ULK4: variants seen among roughly 807,000 people sequenced by gnomAD.
ULK4 encodes inactive serine/threonine-protein kinase ULK4.
In ULK4, 133 loss-of-function variants were observed where a neutral mutation model predicts 160.6. The observed-to-expected ratio is 0.83, with a 90% confidence interval of 0.72 to 0.96. The LOEUF (loss-of-function observed/expected upper bound fraction) is 0.96. Ranked by LOEUF, ULK4 falls within the 40% of genes least tolerant of loss-of-function variation. The probability of loss-of-function intolerance (pLI) is 0.00; values close to 1 mark genes in which losing one functional copy is unlikely to be tolerated. For missense variants in ULK4, 1,580 were observed against 1,499.5 expected (o/e 1.05, Z -0.89); for synonymous variants, 534 against 539.8 (o/e 0.99, Z 0.15).
At position 41,954,602 on chromosome 3, in the gene ULK4, A is replaced by C. The variant is rs773918712; in HGVS notation, c.138+20T>G. ...TGTAGCTCTCTCTTTCCCCATGCCAATGGAAATACACTGACTTACCCAGTT... is the reference window on the plus strand; with the variant it reads ...TGTAGCTCTCTCTTTCCCCATGCCACTGGAAATACACTGACTTACCCAGTT... On this transcript the variant is annotated intron_variant, in intron 2 of 36. Transcript: ENST00000301831. 1 of 1,603,522 alleles carries C rather than the reference A, an allele frequency of 6.2e-7. No homozygotes were observed. Among genetic ancestry groups the C allele is most frequent in the Admixed American group, 1.7e-5 (1 of 57,972 alleles).
At chr3:41,296,848 G>A (rs536827350) in intron 35 of ULK4, among the ~76,000 whole-genome samples, 1 of 151,866 alleles carries the variant, frequency 6.6e-6, no homozygotes, top group Non-Finnish European at 1.5e-5. Context: ...TGAGAGGGAG[G>A]GAAGAAGAAA....
intron 35 of ULK4, among the ~76,000 whole-genome samples, chr3:41,381,058 G>C (rs2081639752): frequency 6.6e-6 from 1 of 152,072 alleles, no homozygotes; most frequent in Admixed American, 6.6e-5. Context: ...TATGTCACCA[G>C]AGAACACCTT....
At chr3:41,365,719 A>C (rs2125777086) in intron 35 of ULK4, among the ~76,000 whole-genome samples, 1 of 152,292 alleles carries the variant, frequency 6.6e-6, no homozygotes, top group South Asian at 2.1e-4. Flanking sequence ...CTAACCCCCA[A>C]GCCCCTGCTC....
chr3:41,800,238 G>A lies in ULK4; in HGVS notation c.1904C>T (p.Thr635Ile). The change falls in exon 20 of 37, where the codon ACC becomes ATC. Residue 635 changes from threonine (T) to isoleucine (I), a missense_variant. Coordinates refer to ENST00000301831, the MANE Select transcript of ULK4 (RefSeq NM_017886.4). ...AAKIIENVCT[T>I]FSAQSQGFIT... The stretch of plus-strand genomic sequence containing the variant: ...AAAGCCCTGGGACTGAGCAGAAAAG[G>A]TGGTACAGACATTTTCAATAATTTT... The A allele has an allele frequency of 6.2e-7, 1 of 1,613,738 alleles. No individual in the cohort carries two copies. Among genetic ancestry groups the A allele is most frequent in the Non-Finnish European group, 8.5e-7 (1 of 1,179,876 alleles).
chr3:41,751,072 TTC>T (rs958880308), intron 22 of ULK4, among the ~76,000 whole-genome samples: 1 of 151,166 alleles, frequency 6.6e-6, no homozygotes, highest in Non-Finnish European at 1.5e-5. Flanking sequence ...GCTCTTCCCG[TTC>T]TTTCTCTTTC....
intron 31 of ULK4, among the ~76,000 whole-genome samples, chr3:41,588,106 C>T (rs528473934): frequency 1.4e-4 from 21 of 152,180 alleles, no homozygotes; most frequent in African/African-American, 4.8e-4. Context: ...CTTCAGGATG[C>T]CAGTGAAAGG....
chr3:41,645,748 G>T (rs1339213602), intron 30 of ULK4, among the ~76,000 whole-genome samples: 1 of 152,106 alleles, frequency 6.6e-6, no homozygotes, highest in Non-Finnish European at 1.5e-5. Context: ...GGGTATCCTT[G>T]TTAACTTTCT....
chr3:41,680,337 C>T (rs1193765145), intron 29 of ULK4, among the ~76,000 whole-genome samples: 1 of 152,122 alleles, frequency 6.6e-6, no homozygotes, highest in African/African-American at 2.4e-5. Flanking sequence ...ATTATCAGAG[C>T]TGTCCCTGAA....
intron 21 of ULK4, among the ~76,000 whole-genome samples, chr3:41,776,804 T>C (rs1036034934): frequency 1.1e-5 from 1 of 91,492 alleles, no homozygotes; most frequent in African/African-American, 5.1e-5. Flanking sequence ...CTTTTTGATG[T>C]GCTGCTGGAT....
chr3:41,361,550 C>T (rs1318068377), intron 35 of ULK4, among the ~76,000 whole-genome samples: 1 of 152,122 alleles, frequency 6.6e-6, no homozygotes, highest in East Asian at 1.9e-4. Flanking sequence ...ACTTTGAAAG[C>T]TATACAGTTA....
At chr3:41,277,852 C>G (rs924176615) in intron 35 of ULK4, 4 of 152,210 alleles carry the variant, frequency 2.6e-5, no homozygotes, top group African/African-American at 9.6e-5. Flanking sequence ...CAAATGGGAA[C>G]AGCTCTACTC....
intron 34 of ULK4, among the ~76,000 whole-genome samples, chr3:41,427,973 G>A (rs1252174603): frequency 1.3e-5 from 2 of 152,180 alleles, no homozygotes; most frequent in South Asian, 2.1e-4. Flanking sequence ...AAGATAGGAA[G>A]TCAAACTGTC....
At chr3:41,362,595 A>C (rs189741625) in intron 35 of ULK4, among the ~76,000 whole-genome samples, 1 of 152,338 alleles carries the variant, frequency 6.6e-6, no homozygotes, top group East Asian at 1.9e-4. Context: ...CTTATGCCTC[A>C]GATTTTATAA....
chr3:41,845,508 G>T (rs189935758), intron 17 of ULK4, among the ~76,000 whole-genome samples: 4 of 152,274 alleles, frequency 2.6e-5, no homozygotes, highest in Non-Finnish European at 4.4e-5. Flanking sequence ...ATTGGCTTCG[G>T]GGGTGGAGGG....
chr3:41,802,513 G>A (rs1185521279), intron 19 of ULK4, among the ~76,000 whole-genome samples: 1 of 152,080 alleles, frequency 6.6e-6, no homozygotes, highest in African/African-American at 2.4e-5. Context: ...TGCCCAGGCT[G>A]AACTCGAACT....
intron 21 of ULK4, among the ~76,000 whole-genome samples, chr3:41,785,216 A>G (rs1347329990): frequency 1.3e-5 from 2 of 152,244 alleles, no homozygotes; most frequent in Non-Finnish European, 2.9e-5. Flanking sequence ...GAAGAGTTAA[A>G]TTATTGGTGC....
rs772218925 is a variant in ULK4 at position 41,663,677 on chromosome 3, G to T, written c.3001C>A (p.Pro1001Thr). ...LPQYEHILLEPDPVPAYALKL... is the reference protein window; with the variant it reads ...LPQYEHILLETDPVPAYALKL... ...AGAGCATATGCTGGTACTGGGTCAG[G>T]TTCTAAAAGAATGTGCTCATACCTG... Residue 1001 changes from proline (P) to threonine (T), a missense_variant, in exon 30 of 37, where the codon CCT (proline) becomes ACT (threonine). Coordinates refer to ENST00000301831, the MANE Select transcript of ULK4 (RefSeq NM_017886.4). 2 of 1,613,738 alleles carry T rather than the reference G, an allele frequency of 1.2e-6. No individual in the cohort carries two copies. The highest frequency in any genetic ancestry group is 4.5e-5 in the East Asian group (2 of 44,846).
chr3:41,315,451 C>T (rs1025491132), intron 35 of ULK4, among the ~76,000 whole-genome samples: 3 of 152,010 alleles, frequency 2.0e-5, no homozygotes, highest in Non-Finnish European at 4.4e-5. Context: ...AGGCCCATTC[C>T]CAGAGAAACA....
intron 31 of ULK4, among the ~76,000 whole-genome samples, chr3:41,601,513 G>A (rs968837815): frequency 1.3e-5 from 2 of 152,122 alleles, no homozygotes; most frequent in African/African-American, 4.8e-5. Flanking sequence ...GTGGGTTGGA[G>A]GGTGAGAGGG....
Sources: allele counts gnomAD v4.1 joint callset (sites outside exome capture counted in the v4.1 genomes callset), GRCh38; gene constraint gnomAD v4.1.1; transcripts MANE v1.5; gene names NCBI Gene and HGNC (gene_info 2026-07-23, HGNC 2026-07-21).